The following TTC28 variants were observed in gnomAD, a reference collection of about 807,000 sequenced individuals.
The protein encoded by TTC28 is tetratricopeptide repeat domain 28, also known as tetratricopeptide repeat protein 28.
A neutral mutation model predicts 198.0 loss-of-function variants in TTC28; 61 were observed. That is an observed-to-expected ratio of 0.31 (90% CI 0.25 to 0.38). The LOEUF is 0.38. TTC28 is among the 10% of genes least tolerant of loss of function. The pLI, the probability that TTC28 is intolerant of heterozygous loss-of-function variation, is 1.00. For missense variants in TTC28, 2,678 were observed against 3,164.0 expected (o/e 0.85, Z 3.69); for synonymous variants, 1,171 against 1,297.8 (o/e 0.90, Z 2.10).
chr22:28,593,441 G>A lies in TTC28; in HGVS notation c.381+36111C>T, dbSNP rs531679334. Among the ~76,000 whole-genome samples, 10 of 151,750 alleles carry A rather than the reference G, an allele frequency of 6.6e-5. No homozygotes were observed. The South Asian group carries it at 1.5e-3, about 22-fold the overall frequency. On this transcript the variant is annotated intron_variant, in intron 2 of 22. Transcript: ENST00000397906. ...TCTTAGCAACCAGATAGACAGACAG[G>A]TAGGTAGATAGGTAGATAGGTAGGT...
chr22:28,010,986 T>C (rs1222451822), intron 14 of TTC28, among the ~76,000 whole-genome samples: 3 of 152,178 alleles, frequency 2.0e-5, no homozygotes, highest in African/African-American at 7.2e-5. Context: ...TCAGGGACTG[T>C]AGAGTGGGCA....
intron 12 of TTC28, among the ~76,000 whole-genome samples, chr22:28,046,551 T>C (rs894143679): frequency 3.3e-5 from 5 of 152,244 alleles, no homozygotes; most frequent in Admixed American, 6.5e-5. Context: ...ATGTGGTACA[T>C]GACTATTTAA....
chr22:28,629,342 A>C, intron 2 of TTC28: 1 of 549,756 alleles, frequency 1.8e-6, no homozygotes, highest in East Asian at 3.0e-5. Context: ...ACAGGAAAAG[A>C]ATTAAACTTG....
At chr22:28,644,291 G>T (rs1247692488) in intron 1 of TTC28, among the ~76,000 whole-genome samples, 1 of 151,450 alleles carries the variant, frequency 6.6e-6, no homozygotes, top group South Asian at 2.1e-4. Context: ...CCCAGCTACT[G>T]AGGAGGCTGA....
At chr22:28,341,981 A>C (rs1247140201) in intron 2 of TTC28, among the ~76,000 whole-genome samples, 1 of 152,030 alleles carries the variant, frequency 6.6e-6, no homozygotes, top group Non-Finnish European at 1.5e-5. Context: ...CCTGTCGCTT[A>C]AAAAAACAGA....
At chr22:28,015,972 G>T (rs1050182925) in intron 13 of TTC28, among the ~76,000 whole-genome samples, 7 of 151,960 alleles carry the variant, frequency 4.6e-5, no homozygotes, top group African/African-American at 1.7e-4. Context: ...GAAAGATTCA[G>T]TGATGTGTTT....
intron 1 of TTC28, among the ~76,000 whole-genome samples, chr22:28,653,163 A>T (rs1157166437): frequency 1.3e-5 from 2 of 152,150 alleles, no homozygotes; most frequent in Non-Finnish European, 2.9e-5. Flanking sequence ...GCCTGCCATA[A>T]ATTCCCTCTT....
rs189491768 is a variant in TTC28, at chr22:28,005,248, G to A, written c.4219-3695C>T. On this transcript the variant is annotated intron_variant, in intron 14 of 22. Coordinates refer to ENST00000397906, the MANE Select transcript of TTC28 (RefSeq NM_001145418.2). This position sits in a 1 kb window ranked among gnomAD's most constrained non-coding sequence, Gnocchi z 4.9. Reference sequence around the variant, plus strand: ...GTGTTCCAGGCCAGGTGAGGGAAAAGGGGAAAGACACAGTGCTGGGCAGGC... The same window carrying A: ...GTGTTCCAGGCCAGGTGAGGGAAAAAGGGAAAGACACAGTGCTGGGCAGGC... Among the ~76,000 whole-genome samples, 881 of 152,350 alleles carry A rather than the reference G, an allele frequency of 5.8e-3. 6 individuals carry two copies. The highest frequency in any genetic ancestry group is 9.8e-3 in the Non-Finnish European group (664 of 68,034).
chr22:28,197,315 T>C (rs1925464842), intron 5 of TTC28, among the ~76,000 whole-genome samples: 1 of 150,446 alleles, frequency 6.6e-6, no homozygotes, highest in Non-Finnish European at 1.5e-5. Context: ...TTAAGAGATA[T>C]ACCTAATGCT....
At chr22:28,629,307 A>T (rs911319516) in intron 2 of TTC28, 1 of 420,930 alleles carries the variant, frequency 2.4e-6, no homozygotes, top group Non-Finnish European at 4.2e-6. Context: ...CGGCACAGAT[A>T]AAAAAAAATT....
chr22:28,199,446 T>A (rs1482320181), intron 5 of TTC28, among the ~76,000 whole-genome samples: 1 of 142,030 alleles, frequency 7.0e-6, no homozygotes, highest in Non-Finnish European at 1.5e-5. Flanking sequence ...GAGTTCAAGG[T>A]TTCACTGACC....
chr22:28,362,408 CTCTT>C (rs147383401), intron 2 of TTC28, among the ~76,000 whole-genome samples: 7,946 of 152,170 alleles, frequency 0.052, 271 homozygotes, highest in African/African-American at 0.099. Context: ...TCCATTGAAC[CTCTT>C]TCTTTTGTAA....
At chr22:28,234,865 C>T (rs1450010914) in intron 5 of TTC28, among the ~76,000 whole-genome samples, 2 of 152,138 alleles carry the variant, frequency 1.3e-5, no homozygotes, top group African/African-American at 4.8e-5. Context: ...TAAATTGTTC[C>T]AGTGGGAATG....
chr22:28,137,970 G>A (rs965810584), intron 6 of TTC28, among the ~76,000 whole-genome samples: 1 of 152,170 alleles, frequency 6.6e-6, no homozygotes. Flanking sequence ...AGCCGAGATC[G>A]CGCCACTGCA....
At chr22:28,653,932 G>C (rs541354811) in intron 1 of TTC28, among the ~76,000 whole-genome samples, 39 of 152,308 alleles carry the variant, frequency 2.6e-4, no homozygotes, top group Admixed American at 1.5e-3. Flanking sequence ...TCTGTCTTCA[G>C]ATATTGTGCA....
At chr22:28,001,216 TA>T (rs1416399202) in intron 15 of TTC28, 157 bp downstream of exon 15, 1 of 949,702 alleles carries the variant, frequency 1.1e-6, no homozygotes, top group African/African-American at 1.7e-5. Context: ...TGGACAGACC[TA>T]CTCTAAAGTC....
At chr22:28,649,245 T>C (rs5762733) in intron 1 of TTC28, among the ~76,000 whole-genome samples, 10,083 of 152,192 alleles carry the variant, frequency 0.066, 510 homozygotes, top group South Asian at 0.14. Flanking sequence ...GATAAAAAAC[T>C]ACATATTGGA....
At position 28,314,310 on chromosome 22, in the gene TTC28, G is replaced by A. The variant is rs189673782; in HGVS notation, c.382-7667C>T. Among the ~76,000 whole-genome samples the A allele has an allele frequency of 5.3e-5, 8 of 152,224 alleles. No homozygotes were observed. In the East Asian group the frequency reaches 1.3e-3, roughly 26 times the overall value. On this transcript the variant is annotated intron_variant, in intron 2 of 22. Coordinates refer to ENST00000397906, the MANE Select transcript of TTC28 (RefSeq NM_001145418.2). ...ACCCAAAGTAATTTATAGATTCAAT[G>A]TTAATCTCCATCAAGCTACCACTGA...
At chr22:28,644,342 T>G (rs1404983938) in intron 1 of TTC28, among the ~76,000 whole-genome samples, 1 of 144,736 alleles carries the variant, frequency 6.9e-6, no homozygotes. Flanking sequence ...GAGGTTGCAG[T>G]GAGCCAAAAT....
Sources: allele counts gnomAD v4.1 joint callset (sites outside exome capture counted in the v4.1 genomes callset), GRCh38; gene constraint gnomAD v4.1.1; non-coding constraint Gnocchi (gnomAD v3.1); transcripts MANE v1.5; gene names NCBI Gene and HGNC (gene_info 2026-07-23, HGNC 2026-07-21).